RYR1: variants seen among roughly 807,000 people sequenced by gnomAD.
RYR1 encodes central core disease of muscle.
RYR1 carries 342 observed loss-of-function variants against 583.5 expected under a neutral mutation model. That is an observed-to-expected ratio of 0.59 (90% CI 0.54 to 0.64). The LOEUF is 0.64. Ranked by LOEUF, RYR1 falls within the 30% of genes least tolerant of loss-of-function variation. The pLI, the probability that RYR1 is intolerant of heterozygous loss-of-function variation, is 0.00. For synonymous variants in RYR1, 2,791 were observed against 2,822.5 expected (o/e 0.99, Z 0.35); for missense variants, 6,032 against 6,917.2 (o/e 0.87, Z 4.54).
rs765716844 is a variant in RYR1 at position 38,570,633 on chromosome 19, C to T, written c.13686C>T (p.Thr4562=). The change falls in exon 94 of 106, where the codon ACC becomes ACT. Residue 4562 remains threonine (T), a synonymous_variant. Transcript: ENST00000359596. ...ACTACCTGTCCCGGAACTTTTACAC[C>T]CTGCGGTTCCTTGCCCTCTTCTTGG... is the stretch of plus-strand genomic sequence containing the variant. ...FLNYLSRNFY[T]LRFLALFLAF... 1.2e-5 allele frequency: 19 copies of T among 1,613,814 alleles called. No individual in the cohort carries two copies. In the African/African-American group the frequency reaches 2.4e-4, roughly 20 times the overall value.
At chr19:38,445,619 C>T (rs1469712190) in intron 7 of RYR1, among the ~76,000 whole-genome samples, 1 of 152,116 alleles carries the variant, frequency 6.6e-6, no homozygotes, top group African/African-American at 2.4e-5. Context: ...TACGTCATAC[C>T]CCAAAGCTCA....
In RYR1 at chr19:38,483,145, G is replaced by A; in HGVS notation, c.4707+32G>A. ...GTGCAGTGATGGGGGCACTAATGGG[G>A]CCAGGCTGAGGCAGGAGATGTGGGG... On this transcript the variant is annotated intron_variant, in intron 32 of 105. Transcript: ENST00000359596. This position sits in a 1 kb window ranked among gnomAD's most constrained non-coding sequence, Gnocchi z 6.3. The A allele has an allele frequency of 6.2e-7, 1 of 1,608,460 alleles. No homozygotes were observed. The highest frequency in any genetic ancestry group is 8.5e-7 in the Non-Finnish European group (1 of 1,174,874).
At position 38,500,785 on chromosome 19, in the gene RYR1, G is replaced by A. The variant is rs376307905; in HGVS notation, c.7445-36G>A. 21 of 1,613,808 alleles carry A rather than the reference G, an allele frequency of 1.3e-5. No individual in the cohort carries two copies. Among genetic ancestry groups the A allele is most frequent in the Admixed American group, 5.0e-5 (3 of 60,000 alleles). On this transcript the variant is annotated intron_variant, in intron 46 of 105. Transcript: ENST00000359596. The surrounding 1 kb of genome is among the most constrained non-coding windows in gnomAD (Gnocchi z 5.9). ...TGCTGGGGAGGGAGCGGCTGGGTCC[G>A]CAGGGCATCCCCGAACCCACCCTCC... is the stretch of plus-strand genomic sequence containing the variant.
rs551314025 is a variant in RYR1 at position 38,496,476 on chromosome 19, G to A, written c.6731G>A (p.Arg2244Gln). 7.4e-6 allele frequency: 12 copies of A among 1,613,650 alleles called. No individual in the cohort carries two copies. The highest frequency in any genetic ancestry group is 2.2e-5 in the East Asian group (1 of 44,872). Residue 2244 changes from arginine to glutamine, a missense_variant, in exon 41 of 106, where the codon CGG (arginine) becomes CAG (glutamine). Around this residue, in one of 11 missense-constraint regions of RYR1, gnomAD observed 2,627 missense variants for 2,961.3 expected, o/e 0.89. Transcript: ENST00000359596. The surrounding 1 kb of genome is among the most constrained non-coding windows in gnomAD (Gnocchi z 4.8). ...RFLCYFCRISRQNQRSMFDHL... is the reference protein window; with the variant it reads ...RFLCYFCRISQQNQRSMFDHL... ...CTCTGCTATTTCTGCCGAATCAGCCGGCAGAACCAGCGCTCCATGTTTGAC... is the reference window on the plus strand; with the variant it reads ...CTCTGCTATTTCTGCCGAATCAGCCAGCAGAACCAGCGCTCCATGTTTGAC...
intron 96 of RYR1, among the ~76,000 whole-genome samples, chr19:38,575,116 A>G (rs1973898998): frequency 6.6e-6 from 1 of 152,154 alleles, no homozygotes; most frequent in African/African-American, 2.4e-5. Flanking sequence ...AAACTGGTGA[A>G]TAAAGGGCCA....
Position 38,452,813 on chromosome 19 carries a change from C to G in RYR1, c.1245-6C>G, listed in dbSNP as rs897264543. 5.1e-6 allele frequency: 8 copies of G among 1,582,196 alleles called. No individual in the cohort carries two copies. In the African/African-American group the frequency reaches 9.4e-5, roughly 19 times the overall value. Reference sequence around the variant, plus strand: ...GCCGTGGCTGACAGCTGCGAGGTCCCTGTAGGAGCCTGGACAGCTTCAGCG... The same window carrying G: ...GCCGTGGCTGACAGCTGCGAGGTCCGTGTAGGAGCCTGGACAGCTTCAGCG... On this transcript the variant is annotated splice_polypyrimidine_tract_variant and splice_region_variant and intron_variant, in intron 12 of 105. Transcript: ENST00000359596.
chr19:38,493,516 GTT>G (rs58975597), intron 38 of RYR1, among the ~76,000 whole-genome samples: 3 of 115,702 alleles, frequency 2.6e-5, no homozygotes, highest in Admixed American at 8.3e-5. Flanking sequence ...TTTCTTTTTC[GTT>G]TTTTTTTTTT....
chr19:38,560,556 C>T (rs1440104494), intron 89 of RYR1, among the ~76,000 whole-genome samples: 1 of 150,748 alleles, frequency 6.6e-6, no homozygotes, highest in African/African-American at 2.4e-5. Flanking sequence ...TGATGAAACC[C>T]TATCTCACTA....
intron 23 of RYR1, 43 bp downstream of exon 23, chr19:38,464,765 G>C: frequency 6.6e-7 from 1 of 1,520,446 alleles, no homozygotes; most frequent in South Asian, 1.2e-5. Flanking sequence ...TGGACTGGGG[G>C]CTGGGGATGC....
intron 96 of RYR1, among the ~76,000 whole-genome samples, chr19:38,575,436 G>A (rs932207458): frequency 6.6e-6 from 1 of 152,100 alleles, no homozygotes; most frequent in Admixed American, 6.5e-5. Context: ...AAGGCGGGAG[G>A]GGGGATCACC....
In RYR1 at chr19:38,478,591, C is replaced by T. The variant is rs2145507073; in HGVS notation, c.4611C>T (p.Thr1537=). 6.2e-7 allele frequency: 1 copy of T among 1,611,984 alleles called. No homozygotes were observed. Among genetic ancestry groups the T allele is most frequent in the South Asian group, 1.1e-5 (1 of 91,072 alleles). Reference sequence around the variant, plus strand: ...CAGCCAATGGCAAAGAGAGCAACACCTTTTTCCAGGTGAGTCCAGGCCACA... The same window carrying T: ...CAGCCAATGGCAAAGAGAGCAACACTTTTTTCCAGGTGAGTCCAGGCCACA... ...TFTANGKESN[T]FFQVEPNTKL... Residue 1537 remains threonine (T), a synonymous_variant, in exon 31 of 106, where the codon ACC becomes ACT. Coordinates refer to ENST00000359596, the MANE Select transcript of RYR1 (RefSeq NM_000540.3).
rs1324550196 is a variant in RYR1, at chr19:38,502,644, T to G, written c.7752T>G (p.His2584Gln). The G allele has an allele frequency of 1.9e-6, 3 of 1,612,682 alleles. No individual in the cohort carries two copies. The highest frequency in any genetic ancestry group is 3.3e-5 in the Admixed American group (2 of 59,962). The change falls in exon 48 of 106, where the codon CAT becomes CAG. Residue 2584 changes from histidine (H) to glutamine (Q), a missense_variant. This residue lies in a region of RYR1 where 250 missense variants were observed against 162.3 expected (regional missense o/e 1.54). Transcript: ENST00000359596. ...HRAIMVDSML[H>Q]TVYRLSRGRS... ...CCATCATGGTGGACTCTATGCTGCA[T>G]ACCGTGTACCGCCTGTCTCGGGGTC... is the stretch of plus-strand genomic sequence containing the variant.
At position 38,483,433 on chromosome 19, in the gene RYR1, G is replaced by T; in HGVS notation, c.4851G>T (p.Arg1617Ser). 6.3e-7 allele frequency: 1 copy of T among 1,576,640 alleles called. No individual in the cohort carries two copies. Among genetic ancestry groups the T allele is most frequent in the Non-Finnish European group, 8.6e-7 (1 of 1,163,426 alleles). Residue 1617 changes from arginine to serine, a missense_variant, in exon 33 of 106, where the codon AGG becomes AGT. Physicochemically the swap from Arg to Ser is moderately radical, Grantham distance 110. This residue lies in a region of RYR1 where 2,627 missense variants were observed against 2,961.3 expected (regional missense o/e 0.89). Transcript: ENST00000359596. This position sits in a 1 kb window ranked among gnomAD's most constrained non-coding sequence, Gnocchi z 6.3. Reference protein sequence around the residue: ...MPNHFLQVETRRAGERLGWAV... With the variant: ...MPNHFLQVETSRAGERLGWAV... ...ACCACTTCCTGCAGGTGGAGACGAG[G>T]CGTGCCGGCGAGCGGCTGGGCTGGG... is the stretch of plus-strand genomic sequence containing the variant.
At chr19:38,587,302 A>T in intron 105 of RYR1, 23 bp from the exon 106 acceptor site, 1 of 1,524,462 alleles carries the variant, frequency 6.6e-7, no homozygotes, top group Non-Finnish European at 9.1e-7. Context: ...TGACCAATGA[A>T]CTCTTTCTAT....
chr19:38,437,412 C>G (rs1275367561), intron 1 of RYR1, among the ~76,000 whole-genome samples: 1 of 152,082 alleles, frequency 6.6e-6, no homozygotes, highest in Non-Finnish European at 1.5e-5. Flanking sequence ...GGCTCTCTGT[C>G]GCTGCTTTGC....
Position 38,464,693 on chromosome 19 carries a change from CA to C in RYR1, c.2843del (p.Asn948ThrfsTer2). 6.3e-7 allele frequency: 1 copy of C among 1,591,912 alleles called. No individual in the cohort carries two copies. Among genetic ancestry groups the C allele is most frequent in the Admixed American group, 1.8e-5 (1 of 56,320 alleles). On this transcript the variant is annotated frameshift_variant, in exon 23 of 106. Coordinates refer to ENST00000359596, the MANE Select transcript of RYR1 (RefSeq NM_000540.3). LOFTEE classifies it high-confidence loss of function. Reference protein sequence around the residue: ...VGMADEKAEDNLKKTKLPKTY... With the variant: ...VGMADEKAEDXLKKTKLPKTY... The stretch of plus-strand genomic sequence containing the variant: ...GCATGGCGGATGAGAAGGCGGAGGA[CA>C]ACCTGAAGAAGACAAAACTCCCCAA...
chr19:38,522,765 C>G (rs1354780678), intron 67 of RYR1, among the ~76,000 whole-genome samples: 1 of 152,054 alleles, frequency 6.6e-6, no homozygotes, highest in Admixed American at 6.6e-5. Flanking sequence ...GCGTGCCCAA[C>G]ATGGTGAAAC....
intron 66 of RYR1, among the ~76,000 whole-genome samples, chr19:38,518,066 C>T (rs540479046): frequency 6.6e-6 from 1 of 152,176 alleles, no homozygotes; most frequent in East Asian, 1.9e-4. Context: ...CTGCAGTGAG[C>T]TGTGATTGCA....
At chr19:38,567,663 C>T (rs1973506034) in intron 92 of RYR1, 110 bp from the exon 93 acceptor site, 13 of 1,533,888 alleles carry the variant, frequency 8.5e-6, no homozygotes, top group Non-Finnish European at 1.2e-5. Context: ...CCAGTACCAT[C>T]CAAACCTGGG....
Sources: gnomAD v4.1 joint callset for allele counts (sites outside exome capture counted in the v4.1 genomes callset) on GRCh38, gnomAD v4.1.1 for gene constraint, gnomAD v4.1.1 regional missense constraint, Gnocchi (gnomAD v3.1) non-coding constraint, MANE v1.5 for transcripts, NCBI Gene and HGNC (gene_info 2026-07-23, HGNC 2026-07-21) for gene names.